SEMA3A: variants seen among roughly 807,000 people sequenced by gnomAD.
SEMA3A encodes semaphorin 3A.
In SEMA3A, 29 loss-of-function variants were observed where a neutral mutation model predicts 97.9. The observed-to-expected ratio is 0.30, with a 90% CI of 0.22 to 0.40. The LOEUF (loss-of-function observed/expected upper bound fraction) is 0.40. Among genes scored for constraint, SEMA3A ranks in the 10% least tolerant of loss-of-function variants. The probability of loss-of-function intolerance (pLI) is 1.00; values close to 1 mark genes in which losing one functional copy is unlikely to be tolerated. For missense variants in SEMA3A, 763 were observed against 951.3 expected (o/e 0.80, Z 2.60); for synonymous variants, 321 against 323.7 (o/e 0.99, Z 0.09).
At chr7:84,454,683 C>T (rs1446034343) in intron 1 of SEMA3A, among the ~76,000 whole-genome samples, 2 of 151,590 alleles carry the variant, frequency 1.3e-5, no homozygotes, top group Non-Finnish European at 2.9e-5. Context: ...AGAAAAACAC[C>T]CAAAATGAAA....
chr7:84,302,639 T>A (rs894045589), intron 3 of SEMA3A, among the ~76,000 whole-genome samples: 4 of 152,104 alleles, frequency 2.6e-5, no homozygotes, highest in African/African-American at 9.7e-5. Flanking sequence ...AGAACGGGGG[T>A]CACACATTTG....
In SEMA3A at chr7:83,963,041, G is replaced by A. The variant is rs10248226; in HGVS notation, c.1860+164C>T. Among the ~76,000 whole-genome samples, 23,803 of 152,060 alleles carry A rather than the reference G, an allele frequency of 0.16. 2,196 individuals carry two copies. The highest frequency in any genetic ancestry group is 0.21 in the Non-Finnish European group (14,135 of 67,982). On this transcript the variant is annotated intron_variant, in intron 16 of 16. Coordinates refer to ENST00000265362, the MANE Select transcript of SEMA3A (RefSeq NM_006080.3). ...TAATTCATAGTACAAAGTCTGTCACGTCATCAGTCTGCACTAAACACTTGT... is the reference window on the plus strand; with the variant it reads ...TAATTCATAGTACAAAGTCTGTCACATCATCAGTCTGCACTAAACACTTGT...
In SEMA3A at chr7:84,135,111, T is replaced by A. The variant is rs539480953; in HGVS notation, c.113-160A>T. Among the ~76,000 whole-genome samples the A allele has an allele frequency of 7.2e-3, 960 of 133,906 alleles. 5 individuals carry two copies. The highest frequency in any genetic ancestry group is 0.023 in the African/African-American group (896 of 38,550). The allele number at this position is 133,906 out of a possible 152,430, so 87.8% of individuals were successfully genotyped here. A position where few individuals can be genotyped will look rare whatever the true frequency, so the allele number is the denominator to read the frequency against. ...ATATATTGGAACCAAAATGTGTGCA[T>A]TTTACTTTTTTTTTTTTTTTTTGAG... On this transcript the variant is annotated intron_variant, in intron 1 of 16. Coordinates refer to ENST00000265362, the MANE Select transcript of SEMA3A (RefSeq NM_006080.3).
In SEMA3A at chr7:83,980,615, A is replaced by AAAT. The variant is rs1554383419; in HGVS notation, c.1652+705_1652+706insATT. Among the ~76,000 whole-genome samples, 384 of 82,616 alleles carry AAAT rather than the reference A, an allele frequency of 4.6e-3. 4 individuals are homozygous for AAAT. Among genetic ancestry groups the AAAT allele is most frequent in the African/African-American group, 0.019 (362 of 19,470 alleles). The allele number at this position is 82,616 out of a possible 152,430, so 54.2% of individuals were successfully genotyped here. On this transcript the variant is annotated intron_variant, in intron 14 of 16. Transcript: ENST00000265362. ...TGAGACTCCATCTCAAAAAAAAAAAAAAAAAAAAATATATATATATATATA... is the reference window on the plus strand; with the variant it reads ...TGAGACTCCATCTCAAAAAAAAAAAAAATAAAAAAAAATATATATATATATATA...
chr7:84,186,468 T>G (rs1047341707), intron 1 of SEMA3A, among the ~76,000 whole-genome samples: 2 of 152,180 alleles, frequency 1.3e-5, no homozygotes, highest in Non-Finnish European at 2.9e-5. Context: ...GGAACAGCAT[T>G]TATTCTCTTG....
chr7:83,980,618 A>ACAAACAAC (rs57547797), intron 14 of SEMA3A, among the ~76,000 whole-genome samples: 1 of 82,266 alleles, frequency 1.2e-5, no homozygotes, highest in Non-Finnish European at 2.4e-5. Context: ...AAAAAAAAAA[A>ACAAACAAC]AAAAAATATA....
intron 2 of SEMA3A, among the ~76,000 whole-genome samples, chr7:84,314,506 T>C (rs888950863): frequency 2.0e-5 from 3 of 152,186 alleles, no homozygotes; most frequent in African/African-American, 7.2e-5. Context: ...AAGACTAGTA[T>C]GTCTCAGATT....
At chr7:84,208,447 CAA>C (rs962258668) in intron 3 of SEMA3A, among the ~76,000 whole-genome samples, 1 of 138,206 alleles carries the variant, frequency 7.2e-6, no homozygotes, top group African/African-American at 2.7e-5. Flanking sequence ...GACTCCGTCT[CAA>C]AAAAAAAAAG....
chr7:84,203,350 A>G (rs1259360139), intron 3 of SEMA3A, among the ~76,000 whole-genome samples: 1 of 150,706 alleles, frequency 6.6e-6, no homozygotes, highest in Non-Finnish European at 1.5e-5. Flanking sequence ...TTTATTTTTA[A>G]TGCTCAGCAT....
chr7:84,063,704 AG>A (rs1793353456), intron 4 of SEMA3A, among the ~76,000 whole-genome samples: 1 of 150,940 alleles, frequency 6.6e-6, no homozygotes, highest in Non-Finnish European at 1.5e-5. Flanking sequence ...TAAAGCGAGA[AG>A]GGAAGTTTAG....
Position 84,057,846 on chromosome 7 carries a change from ATTAACT to A in SEMA3A, c.547+2613_547+2618del, listed in dbSNP as rs1236990532. ...GATCACTTTTAAAGGAGATTGCAAA[ATTAACT>A]TTACTATTTTGGTTTGAAAAACTTA... is the stretch of plus-strand genomic sequence containing the variant. On this transcript the variant is annotated intron_variant, in intron 5 of 16. Coordinates refer to ENST00000265362, the MANE Select transcript of SEMA3A (RefSeq NM_006080.3). 1.3e-5 allele frequency among the ~76,000 whole-genome samples: 2 copies of A among 152,152 alleles called. 1 individual carries two copies. Among genetic ancestry groups the A allele is most frequent in the Middle Eastern group, 6.3e-3 (2 of 316 alleles).
At chr7:84,377,767 A>AT (rs1349958452) in intron 1 of SEMA3A, among the ~76,000 whole-genome samples, 1 of 152,120 alleles carries the variant, frequency 6.6e-6, no homozygotes, top group African/African-American at 2.4e-5. Context: ...CAGAGAAATA[A>AT]TTTTTTATAT....
rs1799162143 is a variant in SEMA3A at position 84,233,429 on chromosome 7, G to T, written c.-82-38761C>A. On this transcript the variant is annotated intron_variant, in intron 3 of 3. Transcript: ENST00000424555. ...ATTTACTTAATAAAGTTGTTGTGAG[G>T]ATTAAATGAATGTAGACTATCTGCT... Among the ~76,000 whole-genome samples, 2 of 151,844 alleles carry T rather than the reference G, an allele frequency of 1.3e-5. 1 individual carries two copies. Among genetic ancestry groups the T allele is most frequent in the South Asian group, 4.2e-4 (2 of 4,816 alleles).
intron 3 of SEMA3A, among the ~76,000 whole-genome samples, chr7:84,221,592 C>A (rs533427244): frequency 4.6e-4 from 70 of 151,882 alleles, no homozygotes; most frequent in Non-Finnish European, 7.7e-4. Context: ...ATCAATTGGC[C>A]TAATTTAAAT....
At chr7:84,275,250 A>G (rs993615305) in intron 3 of SEMA3A, among the ~76,000 whole-genome samples, 9 of 152,088 alleles carry the variant, frequency 5.9e-5, no homozygotes, top group African/African-American at 1.9e-4. Context: ...ATAAGAGATG[A>G]TATATACTCT....
intron 4 of SEMA3A, among the ~76,000 whole-genome samples, chr7:84,076,898 C>T (rs1793971075): frequency 6.6e-6 from 1 of 152,090 alleles, no homozygotes; most frequent in Admixed American, 6.5e-5. Context: ...CATAATTCAT[C>T]TGCTTTTTGT....
intron 2 of SEMA3A, among the ~76,000 whole-genome samples, chr7:84,318,384 G>A (rs1454744834): frequency 3.5e-5 from 5 of 144,044 alleles, no homozygotes; most frequent in Admixed American, 2.1e-4. Context: ...GTGCAGTGGC[G>A]GGATCTCGGC....
chr7:84,116,311 G>T (rs1436558252), intron 3 of SEMA3A, among the ~76,000 whole-genome samples: 8 of 152,042 alleles, frequency 5.3e-5, no homozygotes. Context: ...AGTGCCTGTG[G>T]CATATTTCAC....
At chr7:84,347,153 A>G (rs1802318521) in intron 2 of SEMA3A, among the ~76,000 whole-genome samples, 1 of 152,242 alleles carries the variant, frequency 6.6e-6, no homozygotes, top group African/African-American at 2.4e-5. Context: ...GTAAACACAG[A>G]TTGCCTCATA....
Sources: gnomAD v4.1 joint callset for allele counts (sites outside exome capture counted in the v4.1 genomes callset) on GRCh38, gnomAD v4.1.1 for gene constraint, MANE v1.5 for transcripts, NCBI Gene and HGNC (gene_info 2026-07-23, HGNC 2026-07-21) for gene names.